The following SPTBN4 variants were observed in gnomAD, a reference collection of about 807,000 sequenced individuals.
SPTBN4 encodes spectrin beta chain, non-erythrocytic 4.
A neutral mutation model predicts 277.8 loss-of-function variants in SPTBN4; 96 were observed. The observed-to-expected ratio is 0.35, with a 90% CI of 0.29 to 0.41. SPTBN4 has a LOEUF of 0.41. SPTBN4 is among the 10% of genes least tolerant of loss of function. SPTBN4 has a pLI of 1.00. For synonymous variants in SPTBN4, 1,481 were observed against 1,580.3 expected (o/e 0.94, Z 1.49); for missense variants, 3,006 against 3,595.7 (o/e 0.84, Z 4.19).
intron 20 of SPTBN4, among the ~76,000 whole-genome samples, chr19:40,536,133 A>G (rs1240297899): frequency 6.6e-6 from 1 of 151,974 alleles, no homozygotes; most frequent in Non-Finnish European, 1.5e-5. Context: ...TCTGAATGTG[A>G]TGGCCAATGG....
intron 2 of SPTBN4, among the ~76,000 whole-genome samples, chr19:40,483,075 C>A (rs998800098): frequency 2.0e-5 from 3 of 152,114 alleles, no homozygotes; most frequent in African/African-American, 7.2e-5. Context: ...AATCGATGAT[C>A]CCCCAGAATC....
intron 11 of SPTBN4, among the ~76,000 whole-genome samples, chr19:40,503,617 G>A (rs1049923612): frequency 3.3e-4 from 50 of 151,544 alleles, no homozygotes; most frequent in African/African-American, 1.1e-3. Flanking sequence ...ACTGGGGAGG[G>A]TGGGGCTGGT....
At position 40,556,159 on chromosome 19, in the gene SPTBN4, G is replaced by A; in HGVS notation, c.5160G>A (p.Arg1720=). ...VALKELGEER[R]VALEQQYWLY... is the part of the protein sequence containing the mutation. ...TCAAGGAGCTGGGTGAGGAGCGCCG[G>A]GTGGCTCTGGAACAGCAGTACTGGC... The change falls in exon 25 of 36, where the codon CGG becomes CGA. Residue 1720 remains arginine, a synonymous_variant. Transcript: ENST00000598249. 6.2e-7 allele frequency: 1 copy of A among 1,613,340 alleles called. No homozygotes were observed. Among genetic ancestry groups the A allele is most frequent in the Non-Finnish European group, 8.5e-7 (1 of 1,179,994 alleles).
At chr19:40,559,445 C>T (rs955362769) in intron 26 of SPTBN4, among the ~76,000 whole-genome samples, 3 of 152,082 alleles carry the variant, frequency 2.0e-5, no homozygotes, top group Admixed American at 6.5e-5. Flanking sequence ...CCCAGGAGTT[C>T]AAGATGAGCC....
intron 31 of SPTBN4, among the ~76,000 whole-genome samples, chr19:40,568,677 C>T (rs1416397015): frequency 6.6e-6 from 1 of 152,198 alleles, no homozygotes; most frequent in Non-Finnish European, 1.5e-5. Flanking sequence ...TCACAATTCT[C>T]TCAGCAGCCT....
chr19:40,474,579 G>A (rs974622087), intron 2 of SPTBN4, among the ~76,000 whole-genome samples: 5 of 151,738 alleles, frequency 3.3e-5, no homozygotes, highest in African/African-American at 9.7e-5. Flanking sequence ...ACAGGCATGC[G>A]CCACCATGCC....
Position 40,520,025 on chromosome 19 carries a change from C to T in SPTBN4, c.3528C>T (p.His1176=). The stretch of plus-strand genomic sequence containing the variant: ...TGGCACTAGACGAGTGGCTGCCACA[C>T]CTCGAACTTGGCTGGCATAAACTGC... The part of the protein sequence containing the change: ...PGLALDEWLP[H]LELGWHKLLG... Residue 1176 remains histidine (H), a synonymous_variant, in exon 16 of 36, where the codon CAC becomes CAT. Transcript: ENST00000598249. 1.3e-6 allele frequency: 2 copies of T among 1,564,246 alleles called. No homozygotes were observed. Among genetic ancestry groups the T allele is most frequent in the Non-Finnish European group, 1.7e-6 (2 of 1,158,638 alleles).
chr19:40,569,961 C>CACACACACACACACACACACACAG (rs1568382022), intron 32 of SPTBN4, among the ~76,000 whole-genome samples: 8 of 145,864 alleles, frequency 5.5e-5, no homozygotes, highest in African/African-American at 2.1e-4. Flanking sequence ...CACACACACA[C>CACACACACACACACACACACACAG]ACACACACAC....
Position 40,534,248 on chromosome 19 carries a change from C to CTGGA in SPTBN4, c.4265_4268dup (p.Lys1424GlyfsTer66). The stretch of plus-strand genomic sequence containing the variant: ...CCAGCTGGTGCAGAGCTTTGCTGAG[C>CTGGA]TGGACAAGAAGCTCCTTCACATGGA... On this transcript the variant is annotated frameshift_variant, in exon 20 of 36. Coordinates refer to ENST00000598249, the MANE Select transcript of SPTBN4 (RefSeq NM_020971.3). LOFTEE classifies it high-confidence loss of function. The CTGGA allele has an allele frequency of 6.2e-7, 1 of 1,614,182 alleles. No homozygotes were observed. The highest frequency in any genetic ancestry group is 8.5e-7 in the Non-Finnish European group (1 of 1,180,036).
At position 40,503,929 on chromosome 19, in the gene SPTBN4, G is replaced by A. The variant is rs2080292302; in HGVS notation, c.1462G>A (p.Val488Met). 1 of 1,614,008 alleles carries A rather than the reference G, an allele frequency of 6.2e-7. No homozygotes were observed. Among genetic ancestry groups the A allele is most frequent in the Non-Finnish European group, 8.5e-7 (1 of 1,179,976 alleles). Residue 488 changes from valine to methionine, a missense_variant, in exon 12 of 36, where the codon GTG becomes ATG. Physicochemically the swap from Val to Met is conservative, Grantham distance 21 (BLOSUM62 1). Transcript: ENST00000598249. ...IAAYEERVQG[V>M]AELAQALAAE... ...GGCCTACGAGGAGCGGGTGCAGGGT[G>A]TGGCGGAGCTGGCCCAGGCATTGGC... is the stretch of plus-strand genomic sequence containing the variant.
At chr19:40,501,665 T>C (rs558366517) in intron 7 of SPTBN4, among the ~76,000 whole-genome samples, 2 of 150,044 alleles carry the variant, frequency 1.3e-5, no homozygotes, top group African/African-American at 5.0e-5. Flanking sequence ...CAAAATTCCA[T>C]CTTAAAAAAA....
chr19:40,471,892 A>C (rs2079887780), intron 1 of SPTBN4, among the ~76,000 whole-genome samples: 6 of 133,544 alleles, frequency 4.5e-5, no homozygotes, highest in East Asian at 2.1e-4. Flanking sequence ...GCACGTTGCC[A>C]CCACATCCAG....
rs546287563 is a variant in SPTBN4, at chr19:40,508,068, G to C, written c.1816+1682G>C. ...TTGGCTCACAGTGGGTTCCATCATT[G>C]CTCAGCCAATCATTGTGGCCCCAGG... On this transcript the variant is annotated intron_variant, in intron 13 of 35. Coordinates refer to ENST00000598249, the MANE Select transcript of SPTBN4 (RefSeq NM_020971.3). Among the ~76,000 whole-genome samples, 11 of 152,326 alleles carry C rather than the reference G, an allele frequency of 7.2e-5. No homozygotes were observed. In the South Asian group the frequency reaches 2.3e-3, roughly 32 times the overall value.
chr19:40,572,686 C>T (rs185569386), intron 35 of SPTBN4: 21 of 359,544 alleles, frequency 5.8e-5, no homozygotes, highest in South Asian at 5.7e-4. Flanking sequence ...TGGCCAGGCG[C>T]GGTGGCTCAC....
rs1226041656 is a variant in SPTBN4, at chr19:40,487,848, G to A, written c.321G>A (p.Leu107=). ...RLLEVLSGEQ[L]PRPTRGRMRI... ...TGGAAGTGCTGTCTGGGGAGCAGCT[G>A]GTGAGGGGGCCTGAAGGGCTGGGGC... Residue 107 remains leucine (L), a splice_region_variant and synonymous_variant, in exon 3 of 36, where the codon CTG becomes CTA. Transcript: ENST00000598249. The A allele has an allele frequency of 6.2e-7, 1 of 1,600,008 alleles. No individual in the cohort carries two copies. The highest frequency in any genetic ancestry group is 1.1e-5 in the South Asian group (1 of 89,362).
At chr19:40,501,794 G>A (rs1246320731) in intron 7 of SPTBN4, 127 bp from the exon 8 acceptor site, 1 of 739,212 alleles carries the variant, frequency 1.4e-6, no homozygotes, top group Non-Finnish European at 2.3e-6. Context: ...GAGGAACAGA[G>A]AGGTTAATTA....
In SPTBN4 at chr19:40,570,464, C is replaced by T. The variant is rs746322731; in HGVS notation, c.7055C>T (p.Pro2352Leu). The T allele has an allele frequency of 3.2e-6, 5 of 1,566,666 alleles. No individual in the cohort carries two copies. The highest frequency in any genetic ancestry group is 3.4e-6 in the Non-Finnish European group (4 of 1,165,428). The change falls in exon 33 of 36, where the codon CCC (proline) becomes CTC (leucine). Residue 2352 changes from proline (P) to leucine (L), a missense_variant. Physicochemically the swap from Pro to Leu is moderately conservative, Grantham distance 98. Around this residue, in one of 5 missense-constraint regions of SPTBN4, gnomAD observed 630 missense variants for 677.6 expected, o/e 0.93. Coordinates refer to ENST00000598249, the MANE Select transcript of SPTBN4 (RefSeq NM_020971.3). The part of the protein sequence containing the change: ...GPSLPQPREL[P>L]PGRLPNGLEL... ...TCGCTGCCTCAGCCACGCGAGCTTC[C>T]CCCAGGTCGCCTGCCCAACGGGCTT...
At chr19:40,540,274 TCTA>T (rs1343198967) in intron 20 of SPTBN4, among the ~76,000 whole-genome samples, 1 of 152,154 alleles carries the variant, frequency 6.6e-6, no homozygotes, top group Non-Finnish European at 1.5e-5. Context: ...TCACCATCAC[TCTA>T]CTGTTTTCAA....
At chr19:40,494,786 C>A in intron 5 of SPTBN4, 111 bp from the exon 6 acceptor site, 14 of 888,686 alleles carry the variant, frequency 1.6e-5, no homozygotes, top group Middle Eastern at 2.2e-4. Flanking sequence ...ATGTTCTACC[C>A]CCTCTCTCTC....
Sources: allele counts gnomAD v4.1 joint callset (sites outside exome capture counted in the v4.1 genomes callset), GRCh38; gene constraint gnomAD v4.1.1; regional missense constraint gnomAD v4.1.1; transcripts MANE v1.5; gene names NCBI Gene and HGNC (gene_info 2026-07-23, HGNC 2026-07-21).